Variants in BMAL1 observed in about 807,000 individuals in gnomAD.
BMAL1 encodes the protein basic helix-loop-helix ARNT like 1.
chr11:13,360,485 C>T, the BMAL1 span: 2 of 1,486,482 alleles, frequency 1.3e-6, no homozygotes, highest in East Asian at 2.3e-5. Flanking sequence ...AAGTAAGTAC[C>T]AGCATGTGGG....
chr11:13,333,945 G>C, the BMAL1 span, among the ~76,000 whole-genome samples: 3 of 152,126 alleles, frequency 2.0e-5, no homozygotes, highest in African/African-American at 4.8e-5. Context: ...ATGTTCTCCA[G>C]TGCCTTCAGC....
At chr11:13,325,546 C>T in the BMAL1 span, among the ~76,000 whole-genome samples, 2 of 151,924 alleles carry the variant, frequency 1.3e-5, no homozygotes, top group African/African-American at 2.4e-5. Context: ...TTCTTACAAA[C>T]ACGAACAGGA....
the BMAL1 span, among the ~76,000 whole-genome samples, chr11:13,342,599 C>T: frequency 6.6e-6 from 1 of 152,166 alleles, no homozygotes; most frequent in African/African-American, 2.4e-5. Context: ...AGAAGAAAAA[C>T]CTAACTATTG....
At chr11:13,376,756 GCT>G in the BMAL1 span, 1 of 1,604,768 alleles carries the variant, frequency 6.2e-7, no homozygotes, top group East Asian at 2.2e-5. Context: ...GGGCCCTGGG[GCT>G]TGCCCGTGGG....
At chr11:13,284,752 C>T in the BMAL1 span, among the ~76,000 whole-genome samples, 6 of 152,154 alleles carry the variant, frequency 3.9e-5, no homozygotes, top group Non-Finnish European at 8.8e-5. Flanking sequence ...GTTTTCTGCT[C>T]TGCTCAACTC....
the BMAL1 span, chr11:13,356,309 A>G: frequency 6.5e-6 from 3 of 462,180 alleles, no homozygotes; most frequent in Non-Finnish European, 1.3e-5. Flanking sequence ...ATAGATATGT[A>G]TGCACATTTA....
At chr11:13,357,334 G>T in the BMAL1 span, among the ~76,000 whole-genome samples, 2 of 152,220 alleles carry the variant, frequency 1.3e-5, no homozygotes, top group African/African-American at 4.8e-5. The surrounding 1 kb of genome is among the most constrained non-coding windows in gnomAD (Gnocchi z 4.8). Flanking sequence ...TGGATTTGAA[G>T]GTAGCAGAAA....
the BMAL1 span, chr11:13,375,888 G>A: frequency 1.1e-6 from 1 of 925,644 alleles, no homozygotes; most frequent in Non-Finnish European, 1.5e-6. Context: ...GCTAATACCT[G>A]TGAAGCCTCA....
At chr11:13,298,217 G>A in the BMAL1 span, among the ~76,000 whole-genome samples, 4 of 152,202 alleles carry the variant, frequency 2.6e-5, no homozygotes, top group South Asian at 2.1e-4. Flanking sequence ...TCCTACCTGC[G>A]CCTCTCTAGC....
chr11:13,283,816 A>G, the BMAL1 span, among the ~76,000 whole-genome samples: 9 of 152,046 alleles, frequency 5.9e-5, no homozygotes, highest in Admixed American at 6.5e-5. Flanking sequence ...CCTGTTATGC[A>G]TGGCTGTCTC....
the BMAL1 span, chr11:13,369,915 ATGTGTAGGG>A: frequency 1.0e-6 from 1 of 990,486 alleles, no homozygotes; most frequent in Non-Finnish European, 1.5e-6. Flanking sequence ...AGTCCTCCCT[ATGTGTAGGG>A]CAGTTGGGAG....
At chr11:13,325,558 C>G in the BMAL1 span, among the ~76,000 whole-genome samples, 9 of 151,772 alleles carry the variant, frequency 5.9e-5, no homozygotes, top group Non-Finnish European at 1.2e-4. Context: ...CGAACAGGAG[C>G]CTTTGCCGTC....
At chr11:13,358,759 A>G in the BMAL1 span, among the ~76,000 whole-genome samples, 2 of 152,230 alleles carry the variant, frequency 1.3e-5, no homozygotes, top group Non-Finnish European at 2.9e-5. Flanking sequence ...TGAAGTGATT[A>G]TTGAGCTTAT....
the BMAL1 span, among the ~76,000 whole-genome samples, chr11:13,335,491 G>A: frequency 2.0e-5 from 3 of 152,248 alleles, no homozygotes; most frequent in South Asian, 2.1e-4. Flanking sequence ...TGACCCAGAC[G>A]AGGCTTTTAC....
chr11:13,315,159 G>C, the BMAL1 span, among the ~76,000 whole-genome samples: 1 of 152,216 alleles, frequency 6.6e-6, no homozygotes. Flanking sequence ...CACTCCAGCA[G>C]GCTCTTGGAA....
chr11:13,352,177 A>G, the BMAL1 span, among the ~76,000 whole-genome samples: 1 of 152,160 alleles, frequency 6.6e-6, no homozygotes, highest in African/African-American at 2.4e-5. Flanking sequence ...TCAGTTCACT[A>G]AGAAGCAGAG....
the BMAL1 span, among the ~76,000 whole-genome samples, chr11:13,336,306 A>C: frequency 6.6e-6 from 1 of 152,142 alleles, no homozygotes; most frequent in Admixed American, 6.6e-5. Context: ...GTGCATATAT[A>C]TATTTAAAAG....
At chr11:13,366,790 C>T in the BMAL1 span, 2 of 1,608,870 alleles carry the variant, frequency 1.2e-6, no homozygotes, top group African/African-American at 2.7e-5. Context: ...AAAGTGAGTA[C>T]CAGAGAGGCC....
chr11:13,378,286 T>C, the BMAL1 span: 1 of 1,527,428 alleles, frequency 6.5e-7, no homozygotes. Context: ...TACATAATAG[T>C]ATTTCTTCCT....
Sources: allele counts gnomAD v4.1 joint callset (sites outside exome capture counted in the v4.1 genomes callset), GRCh38; gene constraint gnomAD v4.1.1; non-coding constraint Gnocchi (gnomAD v3.1); transcripts MANE v1.5; gene names NCBI Gene and HGNC (gene_info 2026-07-23, HGNC 2026-07-21).